EML6: variants seen among roughly 807,000 people sequenced by gnomAD.
EML6 encodes EMAP like 6.
EML6 carries 154 observed loss-of-function variants against 240.1 expected under a neutral mutation model. The ratio of observed to expected loss-of-function variants is 0.64; its 90% CI spans 0.56 to 0.73. The LOEUF (loss-of-function observed/expected upper bound fraction) is 0.73, where lower values mean the gene tolerates loss of function less well. Among genes scored for constraint, EML6 ranks in the 30% least tolerant of loss-of-function variants. EML6 has a pLI of 0.00. For synonymous variants in EML6, 1,148 were observed against 899.0 expected (o/e 1.28, Z -4.95); for missense variants, 2,964 against 2,474.6 (o/e 1.20, Z -4.20).
intron 19 of EML6, among the ~76,000 whole-genome samples, chr2:54,893,713 C>G (rs1302485331): frequency 6.6e-6 from 1 of 152,192 alleles, no homozygotes; most frequent in Non-Finnish European, 1.5e-5. Context: ...TTGAAGCCAC[C>G]TACTACTCCT....
intron 7 of EML6, among the ~76,000 whole-genome samples, chr2:54,841,115 A>G (rs1368568468): frequency 3.3e-5 from 5 of 152,328 alleles, no homozygotes; most frequent in Non-Finnish European, 1.5e-5. Flanking sequence ...GGCTGTGGCA[A>G]CAGGATCATG....
At chr2:54,958,435 G>A (rs905370524) in intron 33 of EML6, among the ~76,000 whole-genome samples, 3 of 151,660 alleles carry the variant, frequency 2.0e-5, no homozygotes, top group African/African-American at 4.8e-5. Flanking sequence ...CAGGTGATCC[G>A]CCTGCCTCAG....
At chr2:54,812,252 G>C (rs1046513735) in intron 2 of EML6, among the ~76,000 whole-genome samples, 8 of 151,736 alleles carry the variant, frequency 5.3e-5, no homozygotes, top group African/African-American at 1.9e-4. Context: ...GAGATACTAA[G>C]GGCAGCCAAC....
intron 25 of EML6, among the ~76,000 whole-genome samples, chr2:54,913,875 C>T (rs12328214): frequency 0.35 from 53,396 of 152,006 alleles, 9,763 homozygotes; most frequent in South Asian, 0.55. Context: ...CTTCTGCATA[C>T]GGCTAGCCAG....
intron 2 of EML6, among the ~76,000 whole-genome samples, chr2:54,752,044 A>T (rs563735803): frequency 1.3e-4 from 20 of 152,190 alleles, no homozygotes; most frequent in African/African-American, 3.9e-4. Flanking sequence ...CACCTTAAGG[A>T]TGAGTGCACT....
chr2:54,784,609 C>T lies in EML6; in HGVS notation c.198-28623C>T, dbSNP rs571710212. ...CTCCCCAAAACTTAACTACTAATAG[C>T]ATGCTGTTGACAAGAAGCCTTACCA... On this transcript the variant is annotated intron_variant, in intron 2 of 41. Transcript: ENST00000356458. 1.6e-4 allele frequency among the ~76,000 whole-genome samples: 25 copies of T among 152,274 alleles called. No homozygotes were observed. In the South Asian group the frequency reaches 4.8e-3, roughly 29 times the overall value.
intron 2 of EML6, among the ~76,000 whole-genome samples, chr2:54,801,883 C>T (rs1051962782): frequency 3.3e-5 from 5 of 152,148 alleles, no homozygotes; most frequent in Non-Finnish European, 7.3e-5. Flanking sequence ...TTCTGGATAA[C>T]GATTTCTTGA....
At chr2:54,969,819 C>G (rs776390968) in intron 41 of EML6, among the ~76,000 whole-genome samples, 1 of 152,116 alleles carries the variant, frequency 6.6e-6, no homozygotes, top group Non-Finnish European at 1.5e-5. Context: ...GAAGTCCTCA[C>G]GGACCAACAT....
chr2:54,859,969 C>T (rs1670588751), intron 12 of EML6, among the ~76,000 whole-genome samples: 1 of 152,222 alleles, frequency 6.6e-6, no homozygotes, highest in Non-Finnish European at 1.5e-5. Flanking sequence ...AAGCTCCTGA[C>T]ACTCCCTCCA....
chr2:54,909,570 C>T (rs1673529506), intron 24 of EML6, among the ~76,000 whole-genome samples: 1 of 151,964 alleles, frequency 6.6e-6, no homozygotes, highest in African/African-American at 2.4e-5. Context: ...CTAGGCTGAG[C>T]ATGGTGGCTC....
chr2:54,924,876 TC>T (rs1267590335), intron 26 of EML6, among the ~76,000 whole-genome samples: 2 of 152,178 alleles, frequency 1.3e-5, no homozygotes, highest in Non-Finnish European at 2.9e-5. Context: ...TCTTTTTTTT[TC>T]AACCTGATTT....
At chr2:54,757,090 T>A (rs1667768804) in intron 2 of EML6, among the ~76,000 whole-genome samples, 1 of 152,104 alleles carries the variant, frequency 6.6e-6, no homozygotes, top group Non-Finnish European at 1.5e-5. Context: ...TATACCTTCT[T>A]GTTTCAATAT....
intron 16 of EML6, among the ~76,000 whole-genome samples, chr2:54,878,832 CATT>C (rs941462690): frequency 2.6e-4 from 40 of 152,006 alleles, no homozygotes; most frequent in African/African-American, 9.7e-4. Flanking sequence ...ATAACCTGTT[CATT>C]ATTATTCTGG....
intron 28 of EML6, among the ~76,000 whole-genome samples, chr2:54,944,067 C>G (rs1408444902): frequency 1.3e-5 from 2 of 152,100 alleles, no homozygotes; most frequent in Non-Finnish European, 2.9e-5. Flanking sequence ...TGCTGTTGGT[C>G]CTCAGGATTT....
At chr2:54,845,777 G>C (rs1385169829) in intron 8 of EML6, among the ~76,000 whole-genome samples, 1 of 152,164 alleles carries the variant, frequency 6.6e-6, no homozygotes, top group Admixed American at 6.5e-5. Flanking sequence ...TTACTGTGCA[G>C]CTCAGCATGG....
intron 17 of EML6, among the ~76,000 whole-genome samples, chr2:54,884,621 G>A (rs1181788341): frequency 6.6e-6 from 1 of 152,162 alleles, no homozygotes; most frequent in African/African-American, 2.4e-5. Flanking sequence ...GGAGTAGTAG[G>A]TCAGGAAATG....
intron 30 of EML6, among the ~76,000 whole-genome samples, chr2:54,951,925 C>T (rs72910826): frequency 0.033 from 4,954 of 152,202 alleles, 245 homozygotes; most frequent in African/African-American, 0.11. Context: ...CACCATCATT[C>T]ATCTTTAGGT....
intron 16 of EML6, among the ~76,000 whole-genome samples, chr2:54,872,288 GA>G (rs1332933791): frequency 6.6e-6 from 1 of 152,118 alleles, no homozygotes; most frequent in Non-Finnish European, 1.5e-5. Context: ...TGCAACTGTA[GA>G]AATTAGATCA....
intron 7 of EML6, among the ~76,000 whole-genome samples, chr2:54,842,747 C>G (rs1314809097): frequency 6.6e-6 from 1 of 152,118 alleles, no homozygotes; most frequent in Non-Finnish European, 1.5e-5. Flanking sequence ...GCAAAAAATC[C>G]AAGATACTGA....
Sources: allele counts gnomAD v4.1 joint callset (sites outside exome capture counted in the v4.1 genomes callset), GRCh38; gene constraint gnomAD v4.1.1; transcripts MANE v1.5; gene names NCBI Gene and HGNC (gene_info 2026-07-23, HGNC 2026-07-21).